Variants in JPH1 observed in about 807,000 individuals in gnomAD.
JPH1 encodes junctophilin-1.
A neutral mutation model predicts 53.6 loss-of-function variants in JPH1; 12 were observed. That is an observed-to-expected ratio of 0.22 (90% CI 0.14 to 0.36). The LOEUF (loss-of-function observed/expected upper bound fraction) is 0.36, where lower values mean the gene tolerates loss of function less well. Among genes scored for constraint, JPH1 ranks in the 10% least tolerant of loss-of-function variants. JPH1 has a pLI of 1.00. For synonymous variants in JPH1, 375 were observed against 363.8 expected (o/e 1.03, Z -0.35); for missense variants, 808 against 905.5 (o/e 0.89, Z 1.38).
chr8:74,260,856 G>T (rs1287361507), intron 2 of JPH1, among the ~76,000 whole-genome samples: 2 of 152,188 alleles, frequency 1.3e-5, no homozygotes, highest in Non-Finnish European at 1.5e-5. Flanking sequence ...AAGCCTGAAG[G>T]CTTGATGTAT....
chr8:74,304,957 G>A (rs971701887), intron 2 of JPH1, among the ~76,000 whole-genome samples: 1 of 152,146 alleles, frequency 6.6e-6, no homozygotes, highest in Non-Finnish European at 1.5e-5. Context: ...TGAGAAAGCA[G>A]CTTATTTTGA....
At chr8:74,292,366 C>A (rs951712230) in intron 2 of JPH1, among the ~76,000 whole-genome samples, 1 of 152,234 alleles carries the variant, frequency 6.6e-6, no homozygotes, top group East Asian at 1.9e-4. Context: ...CTCAAGGAAG[C>A]GACATCAAAC....
At chr8:74,317,755 C>T (rs1042044705) in intron 1 of JPH1, among the ~76,000 whole-genome samples, 3 of 152,296 alleles carry the variant, frequency 2.0e-5, no homozygotes, top group African/African-American at 7.2e-5. Context: ...ACTTTTAAAA[C>T]ACAGCCATAC....
chr8:74,295,985 A>G (rs1337760242), intron 2 of JPH1, among the ~76,000 whole-genome samples: 6 of 136,350 alleles, frequency 4.4e-5, no homozygotes, highest in African/African-American at 1.7e-4. Context: ...TTTCCACGAA[A>G]GGGAACAACC....
At chr8:74,286,296 CATA>C (rs1807162008) in intron 2 of JPH1, among the ~76,000 whole-genome samples, 1 of 152,056 alleles carries the variant, frequency 6.6e-6, no homozygotes, top group Admixed American at 6.5e-5. Context: ...TTATAATTGA[CATA>C]ATGATTGTAC....
intron 4 of JPH1, among the ~76,000 whole-genome samples, chr8:74,238,577 C>T (rs976373975): frequency 7.2e-5 from 11 of 152,168 alleles, no homozygotes; most frequent in Admixed American, 3.3e-4. Context: ...TGCACAGACA[C>T]GTGACATTGC....
In JPH1 at chr8:74,245,181, C is replaced by CA. The variant is rs148651924; in HGVS notation, c.1259-7dup. The CA allele has an allele frequency of 0.019, 22,804 of 1,201,044 alleles. 318 individuals carry two copies. The highest frequency in any genetic ancestry group is 0.11 in the African/African-American group (5,929 of 55,840). The allele number at this position is 1,201,044 out of a possible 1,614,324, so 74.4% of individuals were successfully genotyped here. A position where few individuals can be genotyped will look rare whatever the true frequency, so the allele number is the denominator to read the frequency against. ...CTGTTTGACGTAATCAGGGCCTGGCCAAAAAAAAAAGAAAAAAGAAAAAAA... is the reference window on the plus strand; with the variant it reads ...CTGTTTGACGTAATCAGGGCCTGGCCAAAAAAAAAAAGAAAAAAGAAAAAAA... On this transcript the variant is annotated splice_polypyrimidine_tract_variant and splice_region_variant and intron_variant, in intron 3 of 5. Coordinates refer to ENST00000342232, the MANE Select transcript of JPH1 (RefSeq NM_020647.4).
intron 4 of JPH1, among the ~76,000 whole-genome samples, chr8:74,241,244 GGGAT>G (rs1206069780): frequency 3.9e-5 from 6 of 152,114 alleles, no homozygotes; most frequent in African/African-American, 1.4e-4. Flanking sequence ...ATAAAAATCC[GGGAT>G]GCTCTGTTCA....
At chr8:74,261,585 A>G (rs1479166097) in intron 2 of JPH1, among the ~76,000 whole-genome samples, 1 of 152,188 alleles carries the variant, frequency 6.6e-6, no homozygotes, top group African/African-American at 2.4e-5. Flanking sequence ...ATAACCCCTC[A>G]TGGGTGCCAT....
chr8:74,265,470 A>T (rs890201757), intron 2 of JPH1, among the ~76,000 whole-genome samples: 2 of 152,190 alleles, frequency 1.3e-5, no homozygotes, highest in African/African-American at 4.8e-5. Context: ...ATAATTGGTT[A>T]TTCTACTTCA....
Position 74,248,360 on chromosome 8 carries a change from C to A in JPH1, c.1259-3185G>T, listed in dbSNP as rs1465424049. 2.6e-5 allele frequency among the ~76,000 whole-genome samples: 4 copies of A among 152,320 alleles called. No individual in the cohort carries two copies. In the East Asian group the frequency reaches 5.8e-4, roughly 22 times the overall value. The stretch of plus-strand genomic sequence containing the variant: ...ATATCTGGGTAAGGGAAAAAATGCA[C>A]TCCTAAGCAGGGGCGCCTATGCTTG... On this transcript the variant is annotated intron_variant, in intron 3 of 5. Transcript: ENST00000342232.
At chr8:74,306,298 G>A (rs1036215928) in intron 2 of JPH1, among the ~76,000 whole-genome samples, 5 of 152,112 alleles carry the variant, frequency 3.3e-5, no homozygotes, top group African/African-American at 1.2e-4. Context: ...TTCCCTCAGT[G>A]CATGCACACA....
At position 74,315,499 on chromosome 8, in the gene JPH1, G is replaced by A; in HGVS notation, c.501C>T (p.Arg167=). The change falls in exon 2 of 6, where the codon CGC becomes CGT. Residue 167 remains arginine (R), a synonymous_variant. Transcript: ENST00000342232. The surrounding 1 kb of genome is among the most constrained non-coding windows in gnomAD (Gnocchi z 6.3). ...GCACGCTGCCATTGCTCTGCTCGCTGCGCAGCGAGGCCAGCGAGGTACGCA... is the reference window on the plus strand; with the variant it reads ...GCACGCTGCCATTGCTCTGCTCGCTACGCAGCGAGGCCAGCGAGGTACGCA... ...SPLRTSLASL[R]SEQSNGSVLH... 2 of 1,605,970 alleles carry A rather than the reference G, an allele frequency of 1.2e-6. No individual in the cohort carries two copies. Among genetic ancestry groups the A allele is most frequent in the Non-Finnish European group, 1.7e-6 (2 of 1,177,112 alleles).
chr8:74,271,141 C>T (rs533618895), intron 2 of JPH1, among the ~76,000 whole-genome samples: 2 of 152,232 alleles, frequency 1.3e-5, no homozygotes, highest in South Asian at 2.1e-4. Flanking sequence ...GTCATTTCCA[C>T]GAGGCAGGAA....
chr8:74,248,007 T>C (rs1805910969), intron 3 of JPH1, among the ~76,000 whole-genome samples: 1 of 152,172 alleles, frequency 6.6e-6, no homozygotes, highest in South Asian at 2.1e-4. Flanking sequence ...TGAAGCTAAA[T>C]TTTGGATTCC....
intron 2 of JPH1, among the ~76,000 whole-genome samples, chr8:74,301,819 G>A (rs561462429): frequency 2.6e-4 from 39 of 152,116 alleles, no homozygotes; most frequent in African/African-American, 8.7e-4. Context: ...CAAGATTTGT[G>A]GCTGTTGAAT....
In JPH1 at chr8:74,244,963, C is replaced by G; in HGVS notation, c.1471G>C (p.Gly491Arg). 2 of 1,614,144 alleles carry G rather than the reference C, an allele frequency of 1.2e-6. No homozygotes were observed. Among genetic ancestry groups the G allele is most frequent in the Non-Finnish European group, 1.7e-6 (2 of 1,180,024 alleles). Residue 491 changes from glycine to arginine, a missense_variant, in exon 4 of 6, where the codon GGG (glycine) becomes CGG (arginine). Gly to Arg is a moderately radical substitution (Grantham distance 125). Coordinates refer to ENST00000342232, the MANE Select transcript of JPH1 (RefSeq NM_020647.4). Reference sequence around the variant, plus strand: ...CTTTTGTCTTGGTTGAGTCTCGCCCCTGAGCTGGGGTTTTGCTTCTTCAGG... The same window carrying G: ...CTTTTGTCTTGGTTGAGTCTCGCCCGTGAGCTGGGGTTTTGCTTCTTCAGG... Reference protein sequence around the residue: ...KPLKKQNPSSGARLNQDKRSV... With the variant: ...KPLKKQNPSSRARLNQDKRSV...
At position 74,315,043 on chromosome 8, in the gene JPH1, G is replaced by T. The variant is rs58313860; in HGVS notation, c.957C>A (p.Thr319=). The T allele has an allele frequency of 1.2e-3, 1,962 of 1,614,140 alleles. 27 individuals carry two copies. In the African/African-American group the frequency reaches 0.023, roughly 19 times the overall value. ...CTTCTTTGGAGCCGTCAGGAAACACGGTACAGCCATATCCATGCCTCTTGT... is the reference window on the plus strand; with the variant it reads ...CTTCTTTGGAGCCGTCAGGAAACACTGTACAGCCATATCCATGCCTCTTGT... The part of the protein sequence containing the change: ...ANNKRHGYGC[T]VFPDGSKEEG... The change falls in exon 2 of 6, where the codon ACC becomes ACA. Residue 319 remains threonine (T), a synonymous_variant. Coordinates refer to ENST00000342232, the MANE Select transcript of JPH1 (RefSeq NM_020647.4). This position sits in a 1 kb window ranked among gnomAD's most constrained non-coding sequence, Gnocchi z 6.3.
At position 74,278,111 on chromosome 8, in the gene JPH1, G is replaced by T. The variant is rs190959273; in HGVS notation, c.1140-18608C>A. 3.3e-5 allele frequency among the ~76,000 whole-genome samples: 5 copies of T among 152,260 alleles called. No homozygotes were observed. In the East Asian group the frequency reaches 5.8e-4, roughly 18 times the overall value. ...CCACACAAATCTCATCTTGAATTCC[G>T]ATGTGTTGTGGGAGGGACCTGGTGG... is the stretch of plus-strand genomic sequence containing the variant. On this transcript the variant is annotated intron_variant, in intron 2 of 5. Coordinates refer to ENST00000342232, the MANE Select transcript of JPH1 (RefSeq NM_020647.4).
Sources: allele counts gnomAD v4.1 joint callset (sites outside exome capture counted in the v4.1 genomes callset), GRCh38; gene constraint gnomAD v4.1.1; non-coding constraint Gnocchi (gnomAD v3.1); transcripts MANE v1.5; gene names NCBI Gene and HGNC (gene_info 2026-07-23, HGNC 2026-07-21).